PEX5L: variants seen among roughly 807,000 people sequenced by gnomAD.
PEX5L encodes PEX5-related protein.
PEX5L carries 30 observed loss-of-function variants against 84.0 expected under a neutral mutation model. The ratio of observed to expected loss-of-function variants is 0.36; its 90% CI spans 0.27 to 0.48. PEX5L has a LOEUF of 0.48. Among genes scored for constraint, PEX5L ranks in the 20% least tolerant of loss-of-function variants. PEX5L has a pLI of 0.99. For missense variants in PEX5L, 533 were observed against 754.6 expected (o/e 0.71, Z 3.44); for synonymous variants, 270 against 283.1 (o/e 0.95, Z 0.46).
At chr3:179,884,167 C>T (rs1447636944) in intron 4 of PEX5L, among the ~76,000 whole-genome samples, 2 of 152,118 alleles carry the variant, frequency 1.3e-5, no homozygotes, top group Non-Finnish European at 2.9e-5. Flanking sequence ...TAGAAAAACG[C>T]CCCCCTCTAA....
intron 9 of PEX5L, among the ~76,000 whole-genome samples, chr3:179,818,228 T>C (rs1243871812): frequency 6.6e-6 from 1 of 152,048 alleles, no homozygotes; most frequent in Non-Finnish European, 1.5e-5. Flanking sequence ...AAAATAATAA[T>C]ATATACTTAT....
chr3:179,973,343 T>A, intron 1 of PEX5L: 1 of 1,198,800 alleles, frequency 8.3e-7, no homozygotes, highest in Non-Finnish European at 1.1e-6. Flanking sequence ...GCATTAATAA[T>A]GTACAACAAT....
intron 2 of PEX5L, among the ~76,000 whole-genome samples, chr3:179,954,165 T>A (rs1244033860): frequency 7.1e-6 from 1 of 140,632 alleles, no homozygotes; most frequent in Non-Finnish European, 1.5e-5. Context: ...ATTTACTATT[T>A]AAGTTCCACA....
At chr3:179,866,015 A>G (rs1328322056) in intron 7 of PEX5L, among the ~76,000 whole-genome samples, 2 of 152,216 alleles carry the variant, frequency 1.3e-5, no homozygotes, top group Non-Finnish European at 2.9e-5. Context: ...TCTTGGGTTT[A>G]CAAATGGCAT....
intron 1 of PEX5L, among the ~76,000 whole-genome samples, chr3:180,029,219 G>A (rs1483061770): frequency 6.6e-6 from 1 of 151,980 alleles, no homozygotes; most frequent in Non-Finnish European, 1.5e-5. Context: ...AATAGAGACG[G>A]GGTTTCACCA....
chr3:180,016,365 A>G (rs542909192), intron 1 of PEX5L, among the ~76,000 whole-genome samples: 1 of 152,172 alleles, frequency 6.6e-6, no homozygotes, highest in Non-Finnish European at 1.5e-5. Flanking sequence ...CTATCTCTCT[A>G]TATATGTGAA....
At chr3:180,024,698 G>A (rs901579066) in intron 1 of PEX5L, among the ~76,000 whole-genome samples, 2 of 151,994 alleles carry the variant, frequency 1.3e-5, no homozygotes, top group Non-Finnish European at 2.9e-5. Context: ...GTGAGAGAGA[G>A]AGAGAGAACT....
At chr3:179,958,824 T>C (rs1210640343) in intron 2 of PEX5L, among the ~76,000 whole-genome samples, 1 of 152,192 alleles carries the variant, frequency 6.6e-6, no homozygotes, top group African/African-American at 2.4e-5. Flanking sequence ...TAAATGATCC[T>C]TTCCTGACAC....
intron 1 of PEX5L, among the ~76,000 whole-genome samples, chr3:180,024,017 G>C (rs189022021): frequency 6.6e-6 from 1 of 152,264 alleles, no homozygotes; most frequent in African/African-American, 2.4e-5. Context: ...CCAAGTGTGT[G>C]CCTGGGTGTG....
intron 1 of PEX5L, among the ~76,000 whole-genome samples, chr3:179,983,993 G>C (rs1474000256): frequency 6.6e-6 from 1 of 152,024 alleles, no homozygotes; most frequent in Non-Finnish European, 1.5e-5. Context: ...TCATGCATGA[G>C]TTAAAGATCC....
intron 1 of PEX5L, among the ~76,000 whole-genome samples, chr3:180,017,191 T>A (rs1790019712): frequency 6.6e-6 from 1 of 152,210 alleles, no homozygotes; most frequent in South Asian, 2.1e-4. Context: ...TTTTGACTTA[T>A]GAATAGCTTG....
intron 6 of PEX5L, 121 bp downstream of exon 6, chr3:179,875,233 T>C (rs537112403): frequency 2.5e-6 from 2 of 808,986 alleles, no homozygotes; most frequent in East Asian, 2.6e-5. Context: ...ATAATTGGTA[T>C]TGTTATATAG....
At chr3:179,962,837 C>CTCA (rs1782405060) in intron 2 of PEX5L, among the ~76,000 whole-genome samples, 3 of 152,212 alleles carry the variant, frequency 2.0e-5, no homozygotes, top group Admixed American at 1.3e-4. Flanking sequence ...TACACTCAAC[C>CTCA]TGTCAGCTCA....
intron 8 of PEX5L, among the ~76,000 whole-genome samples, chr3:179,836,937 A>C (rs1735173001): frequency 6.6e-6 from 1 of 152,192 alleles, no homozygotes; most frequent in African/African-American, 2.4e-5. Context: ...AATCAGGCCA[A>C]GTTTGATGAG....
chr3:179,961,201 ATGTGTGTGTG>A (rs72242969), intron 2 of PEX5L, among the ~76,000 whole-genome samples: 1 of 65,252 alleles, frequency 1.5e-5, no homozygotes. Context: ...GTGTATGTGT[ATGTGTGTGTG>A]TGTGTGTGTG....
At position 179,928,272 on chromosome 3, in the gene PEX5L, G is replaced by A. The variant is rs549068380; in HGVS notation, c.94-30026C>T. On this transcript the variant is annotated intron_variant, in intron 2 of 14. Transcript: ENST00000467460. ...AGAGCCTACTTTATTACAGAGAGAA[G>A]CTCAATAATATTTGCCAGATTAAAT... 2.6e-4 allele frequency among the ~76,000 whole-genome samples: 40 copies of A among 152,280 alleles called. No homozygotes were observed. The South Asian group carries it at 6.6e-3, about 25-fold the overall frequency.
At chr3:179,846,581 C>T (rs1739444745) in intron 8 of PEX5L, among the ~76,000 whole-genome samples, 1 of 152,158 alleles carries the variant, frequency 6.6e-6, no homozygotes, top group Admixed American at 6.5e-5. Context: ...TCTGGGTGTG[C>T]TTATGAGGGT....
chr3:179,825,563 A>G (rs1399102897), intron 8 of PEX5L, among the ~76,000 whole-genome samples: 1 of 152,036 alleles, frequency 6.6e-6, no homozygotes, highest in Non-Finnish European at 1.5e-5. Flanking sequence ...CCCTTTCTCA[A>G]TCTAAACAGT....
At chr3:179,865,497 C>G (rs1285357621) in intron 7 of PEX5L, among the ~76,000 whole-genome samples, 1 of 151,650 alleles carries the variant, frequency 6.6e-6, no homozygotes, top group African/African-American at 2.4e-5. Context: ...GATCAGCCTT[C>G]CTTTCAATGC....
Sources: gnomAD v4.1 joint callset for allele counts (sites outside exome capture counted in the v4.1 genomes callset) on GRCh38, gnomAD v4.1.1 for gene constraint, MANE v1.5 for transcripts, NCBI Gene and HGNC (gene_info 2026-07-23, HGNC 2026-07-21) for gene names.